AP4S1: variants seen among roughly 807,000 people sequenced by gnomAD.
AP4S1 encodes the protein adaptor related protein complex 4 subunit sigma 1, also known as AP-4 complex subunit sigma-1.
AP4S1 carries 23 observed loss-of-function variants against 19.8 expected under a neutral mutation model. That is an observed-to-expected ratio of 1.16 (90% confidence interval 0.84 to 1.65). The LOEUF (loss-of-function observed/expected upper bound fraction) is 1.65, where lower values mean the gene tolerates loss of function less well. AP4S1 is among the 40% of genes most tolerant of loss of function. The pLI is 0.00. For synonymous variants in AP4S1, 46 were observed against 54.1 expected (o/e 0.85, Z 0.66); for missense variants, 166 against 172.8 (o/e 0.96, Z 0.22).
rs557454501 is a variant in AP4S1 at position 31,073,271 on chromosome 14, A to G, written c.294+298A>G. 238 of 341,342 alleles carry G rather than the reference A, an allele frequency of 7.0e-4. 5 individuals carry two copies. The Admixed American group carries it at 9.2e-3, about 13-fold the overall frequency. The allele number at this position is 341,342 out of a possible 1,614,324, so 21.1% of individuals were successfully genotyped here. On this transcript the variant is annotated intron_variant, in intron 4 of 5. Transcript: ENST00000542754. The stretch of plus-strand genomic sequence containing the variant: ...TTTGGGAGGCTAAGGTGGGCAGATC[A>G]CAAGGTCAGGAGATGGAGACCATCC...
chr14:31,079,798 C>T (rs763530743), intron 4 of AP4S1, among the ~76,000 whole-genome samples: 168 of 152,218 alleles, frequency 1.1e-3, no homozygotes, highest in Non-Finnish European at 2.1e-3. Context: ...TGCACTCCAG[C>T]CTGGGCGACA....
At chr14:31,088,370 ATG>A (rs1463920252) in intron 5 of AP4S1, among the ~76,000 whole-genome samples, 2 of 152,148 alleles carry the variant, frequency 1.3e-5, no homozygotes, top group African/African-American at 2.4e-5. Context: ...TAGGGGAAAA[ATG>A]AGAATAATAA....
intron 1 of AP4S1, among the ~76,000 whole-genome samples, chr14:31,035,964 T>C (rs1192676369): frequency 6.6e-6 from 1 of 152,072 alleles, no homozygotes; most frequent in Non-Finnish European, 1.5e-5. Flanking sequence ...TATCCTGACC[T>C]GGTGATCCGC....
chr14:31,049,111 T>C (rs1486588039), intron 1 of AP4S1, among the ~76,000 whole-genome samples: 1 of 151,038 alleles, frequency 6.6e-6, no homozygotes, highest in Admixed American at 6.6e-5. Context: ...AAAACCCATT[T>C]CTACAAAAAT....
intron 1 of AP4S1, among the ~76,000 whole-genome samples, chr14:31,047,920 G>T (rs1047018325): frequency 1.3e-5 from 2 of 152,006 alleles, no homozygotes; most frequent in Admixed American, 1.3e-4. Flanking sequence ...CAAGTGATTC[G>T]CTCACCTCGG....
intron 3 of AP4S1, among the ~76,000 whole-genome samples, chr14:31,070,693 T>C (rs1886951874): frequency 6.6e-6 from 1 of 152,208 alleles, no homozygotes; most frequent in Non-Finnish European, 1.5e-5. Context: ...ACCAGTGCCC[T>C]GCCCTTGTTC....
At chr14:31,061,493 T>A (rs12432231) in intron 1 of AP4S1, among the ~76,000 whole-genome samples, 64,851 of 151,694 alleles carry the variant, frequency 0.43, 14,773 homozygotes, top group Admixed American at 0.57. Flanking sequence ...GAACTGTTGC[T>A]AAGATCGCTA....
Position 31,094,742 on chromosome 14 carries a change from T to C in AP4S1, c.*1707T>C, listed in dbSNP as rs8005747. Reference sequence around the variant, plus strand: ...TATCTCTACAAAAAATAAATAGGTGTGATGGCTCATGCCTGTAATCCTAGT... The same window carrying C: ...TATCTCTACAAAAAATAAATAGGTGCGATGGCTCATGCCTGTAATCCTAGT... On this transcript the variant is annotated 3_prime_UTR_variant, in exon 6 of 6. Coordinates refer to ENST00000542754, the MANE Select transcript of AP4S1 (RefSeq NM_001128126.3). 0.32 allele frequency: 49,390 copies of C among 152,208 alleles called. 8,643 individuals are homozygous for C. Among genetic ancestry groups the C allele is most frequent in the African/African-American group, 0.45 (18,733 of 41,462 alleles). 9.4% of individuals were successfully genotyped at this position (152,208 alleles called of 1,614,324 possible).
At chr14:31,076,769 C>T (rs895533506) in intron 4 of AP4S1, among the ~76,000 whole-genome samples, 2 of 152,084 alleles carry the variant, frequency 1.3e-5, no homozygotes, top group African/African-American at 4.8e-5. Flanking sequence ...TCTAGCCTTA[C>T]ATCAGTAGCA....
intron 4 of AP4S1, among the ~76,000 whole-genome samples, chr14:31,075,242 T>A (rs1157301195): frequency 2.0e-5 from 3 of 152,216 alleles, no homozygotes; most frequent in Non-Finnish European, 4.4e-5. Flanking sequence ...TCATGATATC[T>A]ACTTTTTTAC....
In AP4S1 at chr14:31,093,094, T is replaced by TTTTTTTTTC; in HGVS notation, c.*59_*60insTTTTTTTTC. On this transcript the variant is annotated 3_prime_UTR_variant, in exon 6 of 6. Transcript: ENST00000542754. ...AGAAATGCGAGTACCGTGGAATACA[T>TTTTTTTTTC]CTCAACATGTTAACCCAGAAGAATC... 1 of 1,500,430 alleles carries TTTTTTTTTC rather than the reference T, an allele frequency of 6.7e-7. No homozygotes were observed. 92.9% of individuals were successfully genotyped at this position (1,500,430 alleles called of 1,614,324 possible). A position where few individuals can be genotyped will look rare whatever the true frequency, so the allele number is the denominator to read the frequency against.
At chr14:31,025,869 G>T in intron 1 of AP4S1, 82 bp downstream of exon 1, 2 of 1,581,600 alleles carry the variant, frequency 1.3e-6, no homozygotes. Flanking sequence ...GAACCCAGCC[G>T]CCGCAGCTCC....
chr14:31,068,404 G>C (rs901682882), intron 2 of AP4S1, among the ~76,000 whole-genome samples: 1 of 152,240 alleles, frequency 6.6e-6, no homozygotes, highest in Non-Finnish European at 1.5e-5. Flanking sequence ...TGGTACAAAT[G>C]TGTCTCCCTT....
Position 31,069,846 on chromosome 14 carries a change from T to G in AP4S1, c.142T>G (p.Ser48Ala). ...SCLSRSNEQCSFIEYKDFKLI... is the reference protein window; with the variant it reads ...SCLSRSNEQCAFIEYKDFKLI... Reference sequence around the variant, plus strand: ...TATCTCATTGTGTTTTGTCTAGTGCTCTTTCATTGAATATAAGGATTTTAA... The same window carrying G: ...TATCTCATTGTGTTTTGTCTAGTGCGCTTTCATTGAATATAAGGATTTTAA... The change falls in exon 3 of 6, where the codon TCT becomes GCT. Residue 48 changes from serine (S) to alanine (A), a missense_variant. Coordinates refer to ENST00000542754, the MANE Select transcript of AP4S1 (RefSeq NM_001128126.3). The G allele has an allele frequency of 6.2e-7, 1 of 1,610,418 alleles. No homozygotes were observed. The highest frequency in any genetic ancestry group is 1.3e-5 in the African/African-American group (1 of 74,954).
At chr14:31,049,431 ATAT>A (rs1566520585) in intron 1 of AP4S1, among the ~76,000 whole-genome samples, 1,940 of 43,912 alleles carry the variant, frequency 0.044, 40 homozygotes, top group East Asian at 0.079. Flanking sequence ...AAAAAAAAAT[ATAT>A]ATATATATAT....
chr14:31,056,372 T>A (rs1397631208), intron 1 of AP4S1, among the ~76,000 whole-genome samples: 1 of 151,686 alleles, frequency 6.6e-6, no homozygotes, highest in Non-Finnish European at 1.5e-5. Flanking sequence ...TTTCTTTTTT[T>A]TTTGAGATGG....
At chr14:31,039,902 T>C (rs780432895) in intron 1 of AP4S1, among the ~76,000 whole-genome samples, 3 of 152,176 alleles carry the variant, frequency 2.0e-5, no homozygotes, top group Non-Finnish European at 1.5e-5. Flanking sequence ...AGGTGTAGTT[T>C]TACAGTATTA....
At chr14:31,084,624 C>T (rs1887829787) in intron 5 of AP4S1, 2 of 1,358,130 alleles carry the variant, frequency 1.5e-6, no homozygotes, top group South Asian at 2.6e-5. Flanking sequence ...CTCCTGTGCA[C>T]TCTTCAGTTC....
At chr14:31,075,363 T>A (rs565061056) in intron 4 of AP4S1, among the ~76,000 whole-genome samples, 1 of 152,336 alleles carries the variant, frequency 6.6e-6, no homozygotes, top group East Asian at 1.9e-4. Context: ...AGGGTTTTAT[T>A]CTTTTTTATG....
Sources: gnomAD v4.1 joint callset for allele counts (sites outside exome capture counted in the v4.1 genomes callset) on GRCh38, gnomAD v4.1.1 for gene constraint, MANE v1.5 for transcripts, NCBI Gene and HGNC (gene_info 2026-07-23, HGNC 2026-07-21) for gene names.